The following BICD1 variants were observed in gnomAD, a reference collection of about 807,000 sequenced individuals.
BICD1 encodes the protein BICD cargo adaptor 1.
BICD1 carries 35 observed loss-of-function variants against 92.5 expected under a neutral mutation model. That is an observed-to-expected ratio of 0.38 (90% CI 0.29 to 0.50). BICD1 has a LOEUF of 0.50. BICD1 is among the 20% of genes least tolerant of loss of function. The pLI, the probability that BICD1 is intolerant of heterozygous loss-of-function variation, is 0.93. For missense variants in BICD1, 950 were observed against 1,189.8 expected (o/e 0.80, Z 2.97); for synonymous variants, 429 against 465.1 (o/e 0.92, Z 1.00).
At chr12:32,375,142 G>A (rs565374251) in intron 9 of BICD1, among the ~76,000 whole-genome samples, 2 of 150,052 alleles carry the variant, frequency 1.3e-5, no homozygotes, top group African/African-American at 4.9e-5. Context: ...GGCCAGGATG[G>A]TCTCTATCTC....
At chr12:32,251,285 C>T (rs955003988) in intron 2 of BICD1, among the ~76,000 whole-genome samples, 11 of 151,974 alleles carry the variant, frequency 7.2e-5, no homozygotes, top group African/African-American at 2.7e-4. Flanking sequence ...TAAAATCTTC[C>T]TCCTCACTAC....
chr12:32,374,976 TGGCGCGATCTC>T (rs1939885323), intron 9 of BICD1, among the ~76,000 whole-genome samples: 1 of 99,090 alleles, frequency 1.0e-5, no homozygotes, highest in Non-Finnish European at 2.0e-5. Flanking sequence ...TGGAGTGCAA[TGGCGCGATCTC>T]GGCTCACTGC....
At chr12:32,340,061 A>G (rs1235691016) in intron 8 of BICD1, 2 of 972,296 alleles carry the variant, frequency 2.1e-6, no homozygotes, top group African/African-American at 1.8e-5. Flanking sequence ...CCCCTCCTGT[A>G]GTCTTTGAGT....
At chr12:32,136,936 G>A (rs190867947) in intron 1 of BICD1, among the ~76,000 whole-genome samples, 8 of 152,218 alleles carry the variant, frequency 5.3e-5, no homozygotes, top group Non-Finnish European at 8.8e-5. Flanking sequence ...CCATATTCCA[G>A]TTCTTTATTT....
chr12:32,225,911 C>A lies in BICD1; in HGVS notation c.426+9452C>A, dbSNP rs1024037074. Among the ~76,000 whole-genome samples the A allele has an allele frequency of 4.6e-5, 7 of 152,008 alleles. No individual in the cohort carries two copies. In the East Asian group the frequency reaches 1.4e-3, roughly 29 times the overall value. ...TGCTGAGATTTCAGGCGTGAGCCAC[C>A]ACGCCTGGCCTTGACAGTATTTTTA... On this transcript the variant is annotated intron_variant, in intron 2 of 9. Transcript: ENST00000652176.
intron 1 of BICD1, among the ~76,000 whole-genome samples, chr12:32,178,887 C>T (rs1345778078): frequency 1.3e-5 from 2 of 151,922 alleles, no homozygotes; most frequent in Admixed American, 6.6e-5. Flanking sequence ...GGCCGGGCAT[C>T]ATTTCATGGT....
intron 1 of BICD1, among the ~76,000 whole-genome samples, chr12:32,178,014 G>C (rs1944167693): frequency 6.6e-6 from 1 of 151,266 alleles, no homozygotes; most frequent in Non-Finnish European, 1.5e-5. Flanking sequence ...TTGTGATTAT[G>C]GGCATTTTTG....
At chr12:32,361,117 A>G (rs1317081284) in intron 8 of BICD1, among the ~76,000 whole-genome samples, 1 of 152,220 alleles carries the variant, frequency 6.6e-6, no homozygotes, top group East Asian at 1.9e-4. Context: ...ATAAGACAAG[A>G]CAGTGCCACT....
chr12:32,246,381 T>C (rs1946390501), intron 2 of BICD1, among the ~76,000 whole-genome samples: 1 of 151,458 alleles, frequency 6.6e-6, no homozygotes, highest in South Asian at 2.1e-4. Flanking sequence ...CTCACACTTG[T>C]AATCCCAGCA....
rs1940169892 is a variant in BICD1 at position 32,381,312 on chromosome 12, G to A, written c.*3685G>A. ...AGAGTCTAAAAAAACAATGTCCTCA[G>A]GAATACTTCAGAAATAGAAGGTATG... On this transcript the variant is annotated 3_prime_UTR_variant, in exon 10 of 10. Coordinates refer to ENST00000652176, the MANE Select transcript of BICD1 (RefSeq NM_001714.4). The A allele has an allele frequency of 2.0e-5, 3 of 152,006 alleles. No individual in the cohort carries two copies. Among genetic ancestry groups the A allele is most frequent in the South Asian group, 2.1e-4 (1 of 4,830 alleles). 9.4% of individuals were successfully genotyped at this position (152,006 alleles called of 1,614,324 possible).
At chr12:32,346,305 C>A (rs1347750730) in intron 8 of BICD1, among the ~76,000 whole-genome samples, 1 of 150,852 alleles carries the variant, frequency 6.6e-6, no homozygotes, top group Non-Finnish European at 1.5e-5. Context: ...TCCCTTGAGG[C>A]CAAGAGTTCG....
chr12:32,335,997 TA>T (rs1221938537), intron 6 of BICD1, among the ~76,000 whole-genome samples: 2 of 152,102 alleles, frequency 1.3e-5, no homozygotes, highest in Non-Finnish European at 2.9e-5. Flanking sequence ...CTGATACATG[TA>T]AAAGTGTTAA....
In BICD1 at chr12:32,337,832, T is replaced by G. The variant is rs1565681440; in HGVS notation, c.2570+16T>G. The G allele has an allele frequency of 6.2e-7, 1 of 1,612,714 alleles. No individual in the cohort carries two copies. The highest frequency in any genetic ancestry group is 8.5e-7 in the Non-Finnish European group (1 of 1,178,850). ...AGAGGAAAAGGTATGCATGCAGCGA[T>G]CTTCATAGTACGGTGCAGTGGCCAG... On this transcript the variant is annotated intron_variant, in intron 7 of 9. Transcript: ENST00000652176. The surrounding 1 kb of genome is among the most constrained non-coding windows in gnomAD (Gnocchi z 4.7).
intron 1 of BICD1, among the ~76,000 whole-genome samples, chr12:32,191,717 C>T (rs923692194): frequency 3.5e-5 from 5 of 141,392 alleles, no homozygotes; most frequent in Non-Finnish European, 6.2e-5. Flanking sequence ...ATTATTATAT[C>T]ACAATGCTGA....
rs1488839633 is a variant in BICD1 at position 32,296,258 on chromosome 12, T to G, written c.579+2112T>G. Among the ~76,000 whole-genome samples the G allele has an allele frequency of 7.4e-3, 563 of 76,326 alleles. 1 individual carries two copies. Among genetic ancestry groups the G allele is most frequent in the African/African-American group, 0.02 (499 of 24,350 alleles). 50.1% of individuals were successfully genotyped at this position (76,326 alleles called of 152,430 possible). A position where few individuals can be genotyped will look rare whatever the true frequency, so the allele number is the denominator to read the frequency against. The stretch of plus-strand genomic sequence containing the variant: ...AAAATAAGAAGGGGTTTTTTTTTGT[T>G]TTTTTTTTTTTTTTTTGAGAGACGG... On this transcript the variant is annotated intron_variant, in intron 3 of 9. Coordinates refer to ENST00000652176, the MANE Select transcript of BICD1 (RefSeq NM_001714.4).
At chr12:32,312,063 C>T (rs1948396274) in intron 4 of BICD1, among the ~76,000 whole-genome samples, 1 of 152,130 alleles carries the variant, frequency 6.6e-6, no homozygotes, top group African/African-American at 2.4e-5. Context: ...AAAATCAGAT[C>T]TTAGTCCTCA....
chr12:32,303,568 T>C lies in BICD1; in HGVS notation c.580-2129T>C, dbSNP rs141810391. 5.0e-3 allele frequency among the ~76,000 whole-genome samples: 759 copies of C among 152,262 alleles called. 5 individuals are homozygous for C. Among genetic ancestry groups the C allele is most frequent in the African/African-American group, 0.017 (727 of 41,548 alleles). The stretch of plus-strand genomic sequence containing the variant: ...AGCCAATGATATATAACAAGTGATG[T>C]GGGTAACTTTTAATGTCCTTAAAGG... On this transcript the variant is annotated intron_variant, in intron 3 of 9. Transcript: ENST00000652176.
chr12:32,297,160 A>C (rs1947897698), intron 3 of BICD1, among the ~76,000 whole-genome samples: 1 of 152,150 alleles, frequency 6.6e-6, no homozygotes, highest in Admixed American at 6.5e-5. Flanking sequence ...CTTTCTTTAT[A>C]GATGCTAGCA....
At chr12:32,287,531 G>GTTT (rs576396740) in intron 2 of BICD1, among the ~76,000 whole-genome samples, 4,133 of 119,016 alleles carry the variant, frequency 0.035, 114 homozygotes, top group East Asian at 0.13. Context: ...GCTGGGTGGT[G>GTTT]TTTTTTTTTT....
Sources: gnomAD v4.1 joint callset for allele counts (sites outside exome capture counted in the v4.1 genomes callset) on GRCh38, gnomAD v4.1.1 for gene constraint, Gnocchi (gnomAD v3.1) non-coding constraint, MANE v1.5 for transcripts, NCBI Gene and HGNC (gene_info 2026-07-23, HGNC 2026-07-21) for gene names.